Variants in ATRNL1 observed in about 807,000 individuals in gnomAD.
ATRNL1 encodes attractin-like protein 1.
In ATRNL1, 95 loss-of-function variants were observed where a neutral mutation model predicts 182.7. The ratio of observed to expected loss-of-function variants is 0.52; its 90% CI spans 0.44 to 0.62. ATRNL1 has a LOEUF of 0.62. Ranked by LOEUF, ATRNL1 falls within the 20% of genes least tolerant of loss-of-function variation. ATRNL1 has a pLI of 0.00. For missense variants in ATRNL1, 1,471 were observed against 1,679.5 expected (o/e 0.88, Z 2.17); for synonymous variants, 576 against 568.3 (o/e 1.01, Z -0.19).
chr10:115,719,489 C>A (rs564869389), intron 26 of ATRNL1, among the ~76,000 whole-genome samples: 4 of 152,284 alleles, frequency 2.6e-5, no homozygotes, highest in African/African-American at 9.6e-5. Flanking sequence ...AGTCAGCAAG[C>A]ACACAGTTGA....
chr10:115,919,946 ACC>A (rs1952996946), intron 28 of ATRNL1, among the ~76,000 whole-genome samples: 1 of 152,182 alleles, frequency 6.6e-6, no homozygotes. Flanking sequence ...GCCAAAAGGC[ACC>A]ACCTACTAAT....
At position 115,174,443 on chromosome 10, in the gene ATRNL1, T is replaced by C. The variant is rs965566900; in HGVS notation, c.1348+3151T>C. The stretch of plus-strand genomic sequence containing the variant: ...CTCTTATTCTTTGATCAACCTCCAA[T>C]TTATAGGATACAGTTTTCCACTGTT... On this transcript the variant is annotated intron_variant, in intron 8 of 28. Coordinates refer to ENST00000355044, the MANE Select transcript of ATRNL1 (RefSeq NM_207303.4). 2.0e-5 allele frequency among the ~76,000 whole-genome samples: 3 copies of C among 151,858 alleles called. No individual in the cohort carries two copies. In the South Asian group the frequency reaches 6.2e-4, roughly 31 times the overall value.
intron 17 of ATRNL1, among the ~76,000 whole-genome samples, chr10:115,314,242 G>T (rs1435524074): frequency 6.6e-6 from 1 of 152,020 alleles, no homozygotes; most frequent in Admixed American, 6.6e-5. Flanking sequence ...ACCTTCCTAT[G>T]AAGGCATGAG....
In ATRNL1 at chr10:115,264,086, T is replaced by C. The variant is rs934295534; in HGVS notation, c.1688-1107T>C. On this transcript the variant is annotated intron_variant, in intron 10 of 28. Transcript: ENST00000355044. The stretch of plus-strand genomic sequence containing the variant: ...CTCAGTCTTTCAGCATCATTCTCTT[T>C]TTTTTTTTAATTATACTTTAAGTTC... Among the ~76,000 whole-genome samples, 69 of 151,490 alleles carry C rather than the reference T, an allele frequency of 4.6e-4. 1 individual carries two copies. The highest frequency in any genetic ancestry group is 6.7e-4 in the Non-Finnish European group (45 of 67,520).
At chr10:115,385,354 G>T (rs1450251613) in intron 19 of ATRNL1, among the ~76,000 whole-genome samples, 2 of 151,866 alleles carry the variant, frequency 1.3e-5, no homozygotes, top group East Asian at 3.9e-4. Flanking sequence ...TATCTTTTCT[G>T]CTTGTGCGTA....
At position 115,263,836 on chromosome 10, in the gene ATRNL1, A is replaced by G. The variant is rs555237983; in HGVS notation, c.1688-1357A>G. On this transcript the variant is annotated intron_variant, in intron 10 of 28. Transcript: ENST00000355044. ...AGAGCATTGACTCTTGAGGATCTTA[A>G]TAGGCATTATGTGAAAAGTGCTTCT... Among the ~76,000 whole-genome samples, 21 of 151,838 alleles carry G rather than the reference A, an allele frequency of 1.4e-4. 1 individual carries two copies. In the South Asian group the frequency reaches 4.4e-3, roughly 31 times the overall value.
At chr10:115,632,553 T>C (rs1555026741) in intron 26 of ATRNL1, among the ~76,000 whole-genome samples, 1 of 152,198 alleles carries the variant, frequency 6.6e-6, no homozygotes, top group Non-Finnish European at 1.5e-5. Context: ...TCTTACAAAT[T>C]TCACTCAAAT....
chr10:115,368,172 GC>G (rs1857167638), intron 19 of ATRNL1, among the ~76,000 whole-genome samples: 1 of 152,204 alleles, frequency 6.6e-6, no homozygotes, highest in Non-Finnish European at 1.5e-5. Context: ...CTAGCAATCA[GC>G]GAGACTCCGT....
chr10:115,223,929 A>ATATATTTTTTTTTTTTTTTTTTTT (rs1420143943), intron 9 of ATRNL1, among the ~76,000 whole-genome samples: 1 of 44,714 alleles, frequency 2.2e-5, no homozygotes, highest in African/African-American at 9.2e-5. Flanking sequence ...ATATATATAT[A>ATATATTTTTTTTTTTTTTTTTTTT]TTTTTTTTTT....
At chr10:115,176,551 T>C (rs1252204588) in intron 8 of ATRNL1, among the ~76,000 whole-genome samples, 1 of 152,100 alleles carries the variant, frequency 6.6e-6, no homozygotes, top group Non-Finnish European at 1.5e-5. Flanking sequence ...TAGTATTTGC[T>C]GAGGGTTTAG....
At chr10:115,334,456 C>G in intron 19 of ATRNL1, 37 bp downstream of exon 19, 11 of 1,468,682 alleles carry the variant, frequency 7.5e-6, no homozygotes, top group Non-Finnish European at 1.0e-5. Context: ...TGTATTTTTA[C>G]TAAGGAAAAG....
intron 27 of ATRNL1, among the ~76,000 whole-genome samples, chr10:115,842,741 T>A (rs1339829397): frequency 6.6e-6 from 1 of 152,066 alleles, no homozygotes; most frequent in Admixed American, 6.6e-5. Context: ...TTTAGTAATA[T>A]TGTATAGTGG....
At chr10:115,931,528 AAC>A (rs1331481550) in intron 28 of ATRNL1, among the ~76,000 whole-genome samples, 16 of 152,178 alleles carry the variant, frequency 1.1e-4, no homozygotes, top group Admixed American at 2.6e-4. Context: ...CTCTTTACAG[AAC>A]ACAGCCCAGA....
chr10:115,516,776 C>T (rs535865746), intron 24 of ATRNL1, among the ~76,000 whole-genome samples: 1 of 152,008 alleles, frequency 6.6e-6, no homozygotes, highest in Middle Eastern at 3.4e-3. Context: ...AAACCTCTAC[C>T]AACAGATATT....
At chr10:115,445,305 G>A (rs566586913) in intron 21 of ATRNL1, among the ~76,000 whole-genome samples, 16 of 150,920 alleles carry the variant, frequency 1.1e-4, no homozygotes, top group Admixed American at 2.6e-4. Context: ...GGGGGCACAC[G>A]CCTGTAATCC....
chr10:115,488,227 T>A (rs1849121344), intron 24 of ATRNL1, among the ~76,000 whole-genome samples: 1 of 152,180 alleles, frequency 6.6e-6, no homozygotes, highest in Non-Finnish European at 1.5e-5. Context: ...AGGATGATGC[T>A]GGCCTCTTAA....
intron 20 of ATRNL1, among the ~76,000 whole-genome samples, chr10:115,402,260 C>G (rs1314998033): frequency 2.0e-5 from 3 of 152,140 alleles, no homozygotes; most frequent in African/African-American, 7.2e-5. Context: ...TTTTCACCTA[C>G]TTAAACATCT....
chr10:115,368,234 G>A (rs1048806279), intron 19 of ATRNL1, among the ~76,000 whole-genome samples: 25 of 152,310 alleles, frequency 1.6e-4, no homozygotes, highest in African/African-American at 6.0e-4. Flanking sequence ...GCGGTGCGCC[G>A]TTTTTTAAGC....
At chr10:115,618,572 T>C (rs539731124) in intron 26 of ATRNL1, among the ~76,000 whole-genome samples, 1 of 147,160 alleles carries the variant, frequency 6.8e-6, no homozygotes, top group African/African-American at 2.5e-5. Context: ...ATACCTTTCT[T>C]CAAGTTAGTA....
Sources: allele counts gnomAD v4.1 joint callset (sites outside exome capture counted in the v4.1 genomes callset), GRCh38; gene constraint gnomAD v4.1.1; transcripts MANE v1.5; gene names NCBI Gene and HGNC (gene_info 2026-07-23, HGNC 2026-07-21).